PIK3CA: variants seen among roughly 807,000 people sequenced by gnomAD.
The protein encoded by PIK3CA is phosphatidylinositol-4,5-bisphosphate 3-kinase catalytic subunit alpha.
Under a neutral mutation model 138.2 loss-of-function variants are expected in PIK3CA, and 27 were observed. The observed-to-expected ratio is 0.20, with a 90% CI of 0.14 to 0.27. PIK3CA has a LOEUF of 0.27. Among genes scored for constraint, PIK3CA ranks in the 10% least tolerant of loss-of-function variants. The pLI, the probability that PIK3CA is intolerant of heterozygous loss-of-function variation, is 1.00. For synonymous variants in PIK3CA, 358 were observed against 413.2 expected (o/e 0.87, Z 1.62); for missense variants, 544 against 1,277.4 (o/e 0.43, Z 8.75).
chr3:179,157,483 T>C (rs1443220889), intron 1 of PIK3CA, among the ~76,000 whole-genome samples: 2 of 152,154 alleles, frequency 1.3e-5, no homozygotes, highest in Non-Finnish European at 2.9e-5. Context: ...CTTAGTGATA[T>C]TATGAGACTC....
intron 1 of PIK3CA, among the ~76,000 whole-genome samples, chr3:179,192,363 A>G (rs750057001): frequency 8.5e-5 from 13 of 152,384 alleles, no homozygotes; most frequent in Middle Eastern, 3.4e-3. Flanking sequence ...GGATAACTTC[A>G]GAATTACTCC....
intron 6 of PIK3CA, among the ~76,000 whole-genome samples, chr3:179,208,060 T>A (rs1177869210): frequency 6.6e-6 from 1 of 152,040 alleles, no homozygotes; most frequent in Non-Finnish European, 1.5e-5. Flanking sequence ...ACCCTATCTC[T>A]AAAAAATAAT....
At chr3:179,189,555 A>C (rs908500162) in intron 1 of PIK3CA, among the ~76,000 whole-genome samples, 1 of 152,160 alleles carries the variant, frequency 6.6e-6, no homozygotes, top group Admixed American at 6.6e-5. Flanking sequence ...ATTGCTATAA[A>C]TACTACTCAC....
intron 14 of PIK3CA, among the ~76,000 whole-genome samples, chr3:179,221,954 C>T (rs553863947): frequency 6.6e-6 from 1 of 151,820 alleles, no homozygotes; most frequent in African/African-American, 2.4e-5. Flanking sequence ...GCAGTCTGCC[C>T]ACCTCGGCCT....
At chr3:179,233,416 A>AT in intron 20 of PIK3CA, 1 of 393,922 alleles carries the variant, frequency 2.5e-6, no homozygotes, top group Non-Finnish European at 4.5e-6. Flanking sequence ...AAACTATTTT[A>AT]ATTTTTTTTT....
At chr3:179,187,075 T>G (rs1475637732) in intron 1 of PIK3CA, among the ~76,000 whole-genome samples, 1 of 152,098 alleles carries the variant, frequency 6.6e-6, no homozygotes, top group Non-Finnish European at 1.5e-5. Flanking sequence ...ACCCTCTATA[T>G]GATAACCAAA....
intron 9 of PIK3CA, among the ~76,000 whole-genome samples, chr3:179,211,796 T>G (rs1365694704): frequency 6.6e-6 from 1 of 152,216 alleles, no homozygotes; most frequent in Non-Finnish European, 1.5e-5. Flanking sequence ...TCATCATGTT[T>G]AGTGCAATAC....
intron 1 of PIK3CA, among the ~76,000 whole-genome samples, chr3:179,179,934 T>C (rs909169708): frequency 6.6e-6 from 1 of 152,078 alleles, no homozygotes; most frequent in Admixed American, 6.6e-5. Flanking sequence ...TGGCAATAAA[T>C]GTGAATATGA....
chr3:179,218,380 G>GA (rs752167270), intron 10 of PIK3CA, 46 bp downstream of exon 10: 17 of 1,515,550 alleles, frequency 1.1e-5, no homozygotes, highest in East Asian at 4.7e-5. Flanking sequence ...CTTTATTACA[G>GA]AAAAAATAAC....
At chr3:179,228,314 T>C (rs1725130164) in intron 17 of PIK3CA, among the ~76,000 whole-genome samples, 1 of 152,052 alleles carries the variant, frequency 6.6e-6, no homozygotes, top group Non-Finnish European at 1.5e-5. Context: ...ATTTGGAACA[T>C]CTACAAATGA....
intron 1 of PIK3CA, among the ~76,000 whole-genome samples, chr3:179,162,979 C>G (rs1480598218): frequency 2.0e-5 from 3 of 152,012 alleles, no homozygotes; most frequent in Non-Finnish European, 4.4e-5. Flanking sequence ...AACCCTGTAG[C>G]TTATTAGCTA....
chr3:179,150,170 C>CGT (rs35995073), intron 1 of PIK3CA, among the ~76,000 whole-genome samples: 13,718 of 147,014 alleles, frequency 0.093, 776 homozygotes, highest in South Asian at 0.25. Context: ...TGTGTGTTTA[C>CGT]GTGTGTGTGT....
At chr3:179,149,048 G>C (rs1369458298) in intron 1 of PIK3CA, among the ~76,000 whole-genome samples, 1 of 152,124 alleles carries the variant, frequency 6.6e-6, no homozygotes, top group Non-Finnish European at 1.5e-5. Context: ...TTGAGGGGCT[G>C]TCACGCCCGA....
chr3:179,187,881 C>G (rs1382169052), intron 1 of PIK3CA, among the ~76,000 whole-genome samples: 1 of 152,150 alleles, frequency 6.6e-6, no homozygotes, highest in Admixed American at 6.5e-5. Context: ...TTGTGATCCG[C>G]CCGCCTCGGC....
At chr3:179,232,859 T>C (rs192430626) in intron 20 of PIK3CA, among the ~76,000 whole-genome samples, 2 of 151,854 alleles carry the variant, frequency 1.3e-5, no homozygotes, top group East Asian at 1.9e-4. Context: ...CTAGGAGTCT[T>C]TTTTTTTATC....
At position 179,236,110 on chromosome 3, in the gene PIK3CA, T is replaced by C. The variant is rs768544946; in HGVS notation, c.*1746T>C. On this transcript the variant is annotated 3_prime_UTR_variant, in exon 21 of 21. Transcript: ENST00000263967. ...TTTAAAAATATTCATTTATGAAATC[T>C]GTTACCTATAGTTGAAGTCTTGAGT... The C allele has an allele frequency of 2.2e-4, 46 of 206,016 alleles. No individual in the cohort carries two copies. The highest frequency in any genetic ancestry group is 3.9e-4 in the Non-Finnish European group (39 of 100,848). 12.8% of individuals were successfully genotyped at this position (206,016 alleles called of 1,614,324 possible).
intron 1 of PIK3CA, among the ~76,000 whole-genome samples, chr3:179,186,009 T>A (rs950222269): frequency 6.6e-6 from 1 of 152,090 alleles, no homozygotes; most frequent in Non-Finnish European, 1.5e-5. Context: ...GGGTAGGGGG[T>A]GGAGGTAGGG....
chr3:179,172,234 C>G (rs776048826), intron 1 of PIK3CA, among the ~76,000 whole-genome samples: 1 of 151,898 alleles, frequency 6.6e-6, no homozygotes, highest in Non-Finnish European at 1.5e-5. Context: ...TTGAAGGCAA[C>G]TTCCTCAACC....
intron 1 of PIK3CA, among the ~76,000 whole-genome samples, chr3:179,154,614 C>T (rs2108349728): frequency 6.6e-6 from 1 of 152,286 alleles, no homozygotes; most frequent in South Asian, 2.1e-4. Flanking sequence ...GATTGTAACA[C>T]ATTTTTGTGT....
Sources: allele counts gnomAD v4.1 joint callset (sites outside exome capture counted in the v4.1 genomes callset), GRCh38; gene constraint gnomAD v4.1.1; transcripts MANE v1.5; gene names NCBI Gene and HGNC (gene_info 2026-07-23, HGNC 2026-07-21).